METAP1D: variants seen among roughly 807,000 people sequenced by gnomAD.
The protein encoded by METAP1D is methionine aminopeptidase 1D, mitochondrial.
A neutral mutation model predicts 40.5 loss-of-function variants in METAP1D; 31 were observed. The ratio of observed to expected loss-of-function variants is 0.77; its 90% confidence interval spans 0.58 to 1.03. The LOEUF (loss-of-function observed/expected upper bound fraction) is 1.03. Among genes scored for constraint, METAP1D ranks in the 50% least tolerant of loss-of-function variants. The pLI is 0.00. For synonymous variants in METAP1D, 151 were observed against 146.4 expected, an observed-to-expected ratio of 1.03 and a Z score of -0.22; for missense variants, 411 against 420.7, an observed-to-expected ratio of 0.98 and a Z score of 0.20.
chr2:172,073,187 G>A (rs1023847108), intron 6 of METAP1D, among the ~76,000 whole-genome samples: 2 of 152,098 alleles, frequency 1.3e-5, no homozygotes, highest in African/African-American at 2.4e-5. Flanking sequence ...TTCAAGTGGC[G>A]GCTGGGTGCT....
intron 1 of METAP1D, among the ~76,000 whole-genome samples, chr2:172,002,046 G>A (rs1294526760): frequency 4.1e-4 from 55 of 134,750 alleles, no homozygotes; most frequent in African/African-American, 1.2e-3. Context: ...GTAGTGAGCT[G>A]AAAAAAAAAA....
At chr2:172,037,107 A>G (rs1689411518) in intron 1 of METAP1D, among the ~76,000 whole-genome samples, 1 of 152,180 alleles carries the variant, frequency 6.6e-6, no homozygotes, top group Admixed American at 6.5e-5. Context: ...TAAAAATACA[A>G]AAACATTAGC....
At chr2:172,016,826 A>G (rs536728883) in intron 1 of METAP1D, among the ~76,000 whole-genome samples, 2 of 151,878 alleles carry the variant, frequency 1.3e-5, no homozygotes, top group African/African-American at 4.8e-5. Flanking sequence ...CCTGCCCCTC[A>G]GGTGCTGTAA....
At chr2:172,066,347 G>GC (rs1690280858) in intron 5 of METAP1D, 41 bp downstream of exon 5, 1 of 1,516,434 alleles carries the variant, frequency 6.6e-7, no homozygotes, top group Non-Finnish European at 9.1e-7. Flanking sequence ...ATCAACTTCA[G>GC]AATTGCTGGT....
At chr2:172,019,410 T>G (rs1688955821) in intron 1 of METAP1D, among the ~76,000 whole-genome samples, 1 of 151,966 alleles carries the variant, frequency 6.6e-6, no homozygotes, top group Non-Finnish European at 1.5e-5. Context: ...AAGAATAGAA[T>G]ACTATTTTTA....
At chr2:172,014,549 A>G (rs1219699051) in intron 1 of METAP1D, among the ~76,000 whole-genome samples, 1 of 152,214 alleles carries the variant, frequency 6.6e-6, no homozygotes, top group Non-Finnish European at 1.5e-5. Flanking sequence ...GGTTGTTTAA[A>G]ATGTGGCCTG....
chr2:172,079,167 T>G (rs1690633515), intron 7 of METAP1D, 48 bp from the exon 8 acceptor site: 1 of 1,589,002 alleles, frequency 6.3e-7, no homozygotes, highest in Non-Finnish European at 8.6e-7. Flanking sequence ...TTTTTTTTTC[T>G]GTCCTCCCCA....
intron 1 of METAP1D, among the ~76,000 whole-genome samples, chr2:172,001,862 C>G (rs1251411049): frequency 6.6e-6 from 1 of 151,912 alleles, no homozygotes; most frequent in Non-Finnish European, 1.5e-5. Flanking sequence ...TTTGGGAGGC[C>G]AAGGCGGGCA....
At chr2:172,000,742 TTTA>T (rs1433815409) in intron 1 of METAP1D, among the ~76,000 whole-genome samples, 1 of 152,206 alleles carries the variant, frequency 6.6e-6, no homozygotes, top group African/African-American at 2.4e-5. Flanking sequence ...ACAGCTACTG[TTTA>T]TTAAGTGCCT....
At chr2:172,039,611 A>G (rs906470745) in intron 1 of METAP1D, among the ~76,000 whole-genome samples, 6 of 151,340 alleles carry the variant, frequency 4.0e-5, no homozygotes, top group African/African-American at 1.5e-4. Context: ...TTTTGGTATT[A>G]TTGTTGATGG....
chr2:172,073,956 C>G (rs892133255), intron 6 of METAP1D, among the ~76,000 whole-genome samples: 2 of 152,208 alleles, frequency 1.3e-5, no homozygotes, highest in Non-Finnish European at 2.9e-5. Flanking sequence ...GAATTCTCCT[C>G]TGAAACCTAA....
At chr2:172,011,347 C>G (rs998123448) in intron 1 of METAP1D, among the ~76,000 whole-genome samples, 1 of 150,156 alleles carries the variant, frequency 6.7e-6, no homozygotes, top group Admixed American at 6.6e-5. Flanking sequence ...TGCAGTGGCG[C>G]GATCTCGGCT....
At chr2:172,012,344 A>C (rs564197856) in intron 1 of METAP1D, among the ~76,000 whole-genome samples, 1 of 152,312 alleles carries the variant, frequency 6.6e-6, no homozygotes, top group East Asian at 1.9e-4. Context: ...GGGGCACTGC[A>C]ATCAGAAAAG....
At chr2:172,005,253 C>T (rs539458465) in intron 1 of METAP1D, among the ~76,000 whole-genome samples, 120 of 151,958 alleles carry the variant, frequency 7.9e-4, no homozygotes, top group Middle Eastern at 3.4e-3. Context: ...GATTTTAGTG[C>T]ACCCATCACC....
chr2:172,051,880 TA>T (rs1689892695), intron 1 of METAP1D, among the ~76,000 whole-genome samples: 1 of 152,194 alleles, frequency 6.6e-6, no homozygotes, highest in Non-Finnish European at 1.5e-5. Flanking sequence ...CTTAGAGCAG[TA>T]AACAACTAGG....
chr2:172,074,951 T>C (rs945095039), intron 6 of METAP1D, among the ~76,000 whole-genome samples: 11 of 152,234 alleles, frequency 7.2e-5, no homozygotes, highest in African/African-American at 2.7e-4. Flanking sequence ...TTGGGGAATG[T>C]ATTTTTAGTC....
chr2:172,080,508 G>A lies in METAP1D; in HGVS notation c.*102G>A. Reference sequence around the variant, plus strand: ...GAAACAGGGAAATGACCGGTGGTGCGGTAACCTGCGTGGCTCCTGATAGCG... The same window carrying A: ...GAAACAGGGAAATGACCGGTGGTGCAGTAACCTGCGTGGCTCCTGATAGCG... On this transcript the variant is annotated 3_prime_UTR_variant, in exon 10 of 10. Transcript: ENST00000315796. The A allele has an allele frequency of 2.4e-6, 3 of 1,250,430 alleles. No individual in the cohort carries two copies. The highest frequency in any genetic ancestry group is 3.5e-6 in the Non-Finnish European group (3 of 866,906). 77.5% of individuals were successfully genotyped at this position (1,250,430 alleles called of 1,614,324 possible).
intron 1 of METAP1D, among the ~76,000 whole-genome samples, chr2:172,001,788 C>T (rs1444264530): frequency 2.0e-5 from 3 of 151,972 alleles, no homozygotes; most frequent in East Asian, 3.9e-4. Flanking sequence ...AGCCAATTTA[C>T]ATCTCTCAAG....
At chr2:172,028,732 G>A (rs1025843429) in intron 1 of METAP1D, among the ~76,000 whole-genome samples, 2 of 152,120 alleles carry the variant, frequency 1.3e-5, no homozygotes, top group Admixed American at 1.3e-4. Context: ...ATTTAGACAT[G>A]CAAAAATGTG....
Sources: allele counts gnomAD v4.1 joint callset (sites outside exome capture counted in the v4.1 genomes callset), GRCh38; gene constraint gnomAD v4.1.1; transcripts MANE v1.5; gene names NCBI Gene and HGNC (gene_info 2026-07-23, HGNC 2026-07-21).